MAP1LC3B: variants seen among roughly 807,000 people sequenced by gnomAD.
The protein encoded by MAP1LC3B is microtubule-associated protein 1 light chain 3 beta.
MAP1LC3B carries 12 observed loss-of-function variants against 16.7 expected under a neutral mutation model. The observed-to-expected ratio is 0.72, with a 90% CI of 0.46 to 1.16. MAP1LC3B has a LOEUF of 1.16. MAP1LC3B is among the 50% of genes most tolerant of loss of function. MAP1LC3B has a pLI of 0.00. For synonymous variants in MAP1LC3B, 63 were observed against 56.5 expected (o/e 1.11, Z -0.51); for missense variants, 155 against 159.5 (o/e 0.97, Z 0.15).
intron 1 of MAP1LC3B, among the ~76,000 whole-genome samples, chr16:87,395,852 CTTTTTTT>C (rs72388667): frequency 1.9e-4 from 10 of 53,836 alleles, no homozygotes; most frequent in African/African-American, 5.5e-4. Flanking sequence ...TCCTTCTTTC[CTTTTTTT>C]TTTTTTTTTT....
intron 1 of MAP1LC3B, among the ~76,000 whole-genome samples, chr16:87,395,226 G>A (rs549629408): frequency 6.6e-6 from 1 of 152,314 alleles, no homozygotes; most frequent in South Asian, 2.1e-4. Context: ...AGGCTCTTAA[G>A]GATCTTTTTT....
In MAP1LC3B at chr16:87,398,849, G is replaced by A. The variant is rs1316973280; in HGVS notation, c.75G>A (p.Glu25=). ...QRVEDVRLIR[E]QHPTKIPVII... ...TAGAAGATGTCCGACTTATTCGAGA[G>A]CAGCATCCAACCAAAATCCCGGTAG... Residue 25 remains glutamate, a synonymous_variant, in exon 2 of 4, where the codon GAG becomes GAA. Transcript: ENST00000268607. The A allele has an allele frequency of 3.7e-6, 6 of 1,614,122 alleles. No homozygotes were observed. The South Asian group carries it at 6.6e-5, about 18-fold the overall frequency.
At chr16:87,400,737 T>G (rs1371131042) in intron 2 of MAP1LC3B, among the ~76,000 whole-genome samples, 1 of 151,990 alleles carries the variant, frequency 6.6e-6, no homozygotes, top group Non-Finnish European at 1.5e-5. Flanking sequence ...GAAAGGTTTT[T>G]ATGTTTCCCA....
At chr16:87,402,688 A>AC in intron 3 of MAP1LC3B, 1 of 592,292 alleles carries the variant, frequency 1.7e-6, no homozygotes. Flanking sequence ...AGACAGTTTA[A>AC]CAGCTGTTCA....
rs1251557745 is a variant in MAP1LC3B, at chr16:87,404,042, T to C, written c.*945T>C. The C allele has an allele frequency of 6.6e-6, 1 of 152,216 alleles. No individual in the cohort carries two copies. Among genetic ancestry groups the C allele is most frequent in the Non-Finnish European group, 1.5e-5 (1 of 68,032 alleles). The allele number at this position is 152,216 out of a possible 1,614,324, so 9.4% of individuals were successfully genotyped here. ...GATCCACGTTTTTGTTTTTTTAATG[T>C]TAAATGTGTAACTCAGTATTACTGA... On this transcript the variant is annotated 3_prime_UTR_variant, in exon 4 of 4. Coordinates refer to ENST00000268607, the MANE Select transcript of MAP1LC3B (RefSeq NM_022818.5).
Position 87,396,430 on chromosome 16 carries a change from G to A in MAP1LC3B, c.41-2385G>A, listed in dbSNP as rs567373169. On this transcript the variant is annotated intron_variant, in intron 1 of 3. Coordinates refer to ENST00000268607, the MANE Select transcript of MAP1LC3B (RefSeq NM_022818.5). ...GCGTAGCTTGCAGTGAGCAGAGATC[G>A]CGCCACTGCACTCCAGCCTGAGTGA... Among the ~76,000 whole-genome samples the A allele has an allele frequency of 8.2e-4, 123 of 150,638 alleles. 2 individuals carry two copies. The South Asian group carries it at 0.014, about 17-fold the overall frequency.
Position 87,403,111 on chromosome 16 carries a change from G to A in MAP1LC3B, c.*14G>A. Reference sequence around the variant, plus strand: ...TTGTCAGTGTAAAACCAGAAAAAATGCAGCTCTTCTAGAATTGTTTAAACC... The same window carrying A: ...TTGTCAGTGTAAAACCAGAAAAAATACAGCTCTTCTAGAATTGTTTAAACC... On this transcript the variant is annotated 3_prime_UTR_variant, in exon 4 of 4. Transcript: ENST00000268607. 6.3e-7 allele frequency: 1 copy of A among 1,583,770 alleles called. No individual in the cohort carries two copies. Among genetic ancestry groups the A allele is most frequent in the Non-Finnish European group, 8.5e-7 (1 of 1,170,114 alleles).
At chr16:87,394,609 A>C (rs1907735258) in intron 1 of MAP1LC3B, among the ~76,000 whole-genome samples, 1 of 152,198 alleles carries the variant, frequency 6.6e-6, no homozygotes, top group Non-Finnish European at 1.5e-5. Context: ...GGTGAAGATC[A>C]TGGTCCACCT....
At chr16:87,393,256 T>G (rs953082641) in intron 1 of MAP1LC3B, 7 of 152,266 alleles carry the variant, frequency 4.6e-5, no homozygotes, top group Non-Finnish European at 1.0e-4. Flanking sequence ...TCACAATATT[T>G]ACTCCACGCA....
chr16:87,396,474 CAAAA>C (rs772843080), intron 1 of MAP1LC3B, among the ~76,000 whole-genome samples: 2 of 106,312 alleles, frequency 1.9e-5, no homozygotes, highest in Non-Finnish European at 2.0e-5. Context: ...GACTCCATCT[CAAAA>C]AAAAAAAAAA....
chr16:87,398,701 C>T, intron 1 of MAP1LC3B, 114 bp from the exon 2 acceptor site: 1 of 861,906 alleles, frequency 1.2e-6, no homozygotes, highest in Non-Finnish European at 1.9e-6. Context: ...AAGATGTCTT[C>T]AGTGTTCTGC....
In MAP1LC3B at chr16:87,402,932, A is replaced by T; in HGVS notation, c.213A>T (p.Leu71Phe). The T allele has an allele frequency of 6.2e-7, 1 of 1,613,856 alleles. No individual in the cohort carries two copies. Among genetic ancestry groups the T allele is most frequent in the Non-Finnish European group, 8.5e-7 (1 of 1,179,838 alleles). ...TGTTTTCTTTCAATAGAAGGCGCTTACAGCTCAATGCTAATCAGGCCTTCT... is the reference window on the plus strand; with the variant it reads ...TGTTTTCTTTCAATAGAAGGCGCTTTCAGCTCAATGCTAATCAGGCCTTCT... ...SELIKIIRRR[L>F]QLNANQAFFL... The change falls in exon 4 of 4, where the codon TTA (leucine) becomes TTT (phenylalanine). Residue 71 changes from leucine (L) to phenylalanine (F), a missense_variant. Physicochemically the swap from Leu to Phe is conservative, Grantham distance 22 (BLOSUM62 0). Coordinates refer to ENST00000268607, the MANE Select transcript of MAP1LC3B (RefSeq NM_022818.5).
chr16:87,400,541 C>A (rs1347705678), intron 2 of MAP1LC3B, among the ~76,000 whole-genome samples: 1 of 152,100 alleles, frequency 6.6e-6, no homozygotes, highest in Non-Finnish European at 1.5e-5. Flanking sequence ...AGTACCAGGT[C>A]ATTATGCACA....
At chr16:87,396,338 G>T (rs996208060) in intron 1 of MAP1LC3B, among the ~76,000 whole-genome samples, 2 of 151,944 alleles carry the variant, frequency 1.3e-5, no homozygotes, top group East Asian at 3.9e-4. Flanking sequence ...AGCCGGGCGT[G>T]GTGGCGGGCG....
chr16:87,392,675 G>T (rs1313952497), intron 1 of MAP1LC3B: 13 of 278,594 alleles, frequency 4.7e-5, no homozygotes, highest in Non-Finnish European at 6.4e-5. Flanking sequence ...CCAGGGGCTG[G>T]TCTGGGCCGG....
In MAP1LC3B at chr16:87,401,436, G is replaced by A. The variant is rs74038762; in HGVS notation, c.97-739G>A. The stretch of plus-strand genomic sequence containing the variant: ...GCAAATGATCACTCTTCACAGGAGA[G>A]CTATGAGGAAACTAGTGAATGTGCT... On this transcript the variant is annotated intron_variant, in intron 2 of 3. Transcript: ENST00000268607. 9.0e-3 allele frequency among the ~76,000 whole-genome samples: 1,372 copies of A among 152,340 alleles called. 24 individuals carry two copies. Among genetic ancestry groups the A allele is most frequent in the African/African-American group, 0.031 (1,309 of 41,584 alleles).
At chr16:87,399,673 TCA>T in intron 2 of MAP1LC3B, 2 of 446,258 alleles carry the variant, frequency 4.5e-6, no homozygotes, top group South Asian at 3.2e-5. Context: ...ACTCAGAGGC[TCA>T]TCTGTGGTCA....
At chr16:87,400,278 C>G (rs1225857243) in intron 2 of MAP1LC3B, 4 of 149,878 alleles carry the variant, frequency 2.7e-5, no homozygotes, top group Non-Finnish European at 4.5e-5. Flanking sequence ...CCCGGGTTCA[C>G]GCCATTCTCC....
chr16:87,401,616 T>G lies in MAP1LC3B; in HGVS notation c.97-559T>G, dbSNP rs1383228894. 3.9e-5 allele frequency among the ~76,000 whole-genome samples: 6 copies of G among 152,214 alleles called. No homozygotes were observed. In the East Asian group the frequency reaches 1.2e-3, roughly 29 times the overall value. On this transcript the variant is annotated intron_variant, in intron 2 of 3. Transcript: ENST00000268607. ...GGCGCAACCTCAGCTCACTGCAACC[T>G]CCGCCTCCTAGGTTCAAGCTTGTCT...
Sources: allele counts gnomAD v4.1 joint callset (sites outside exome capture counted in the v4.1 genomes callset), GRCh38; gene constraint gnomAD v4.1.1; transcripts MANE v1.5; gene names NCBI Gene and HGNC (gene_info 2026-07-23, HGNC 2026-07-21).